PAK1: variants seen among roughly 807,000 people sequenced by gnomAD.
The protein encoded by PAK1 is p21 (RAC1) activated kinase 1, also known as serine/threonine-protein kinase PAK 1.
A neutral mutation model predicts 67.4 loss-of-function variants in PAK1; 29 were observed. The observed-to-expected ratio is 0.43, with a 90% CI of 0.32 to 0.59. The LOEUF is 0.59. PAK1 is among the 20% of genes least tolerant of loss of function. The pLI is 0.07. For synonymous variants in PAK1, 223 were observed against 237.4 expected, an observed-to-expected ratio of 0.94 and a Z score of 0.56; for missense variants, 337 against 670.7, an observed-to-expected ratio of 0.50 and a Z score of 5.50.
chr11:77,335,720 A>G (rs945888082), intron 13 of PAK1, among the ~76,000 whole-genome samples: 6 of 152,190 alleles, frequency 3.9e-5, no homozygotes, highest in African/African-American at 1.4e-4. Context: ...AGAATAAAAT[A>G]ACTTATAAGA....
At chr11:77,453,572 C>T (rs1202715149) in intron 1 of PAK1, among the ~76,000 whole-genome samples, 1 of 149,308 alleles carries the variant, frequency 6.7e-6, no homozygotes, top group Non-Finnish European at 1.5e-5. Context: ...TTAATTACCT[C>T]ACAGGAGAAA....
At chr11:77,353,373 G>A in intron 8 of PAK1, 163 bp downstream of exon 8, 1 of 573,098 alleles carries the variant, frequency 1.7e-6, no homozygotes, top group Non-Finnish European at 3.1e-6. Context: ...GCATAATTCT[G>A]CCAAATCTCA....
the PAK1 span, among the ~76,000 whole-genome samples, chr11:77,517,239 GAA>G: frequency 6.6e-6 from 1 of 152,088 alleles, no homozygotes; most frequent in Non-Finnish European, 1.5e-5. Context: ...GCACTCAGTG[GAA>G]AAAGAGACTC....
At chr11:77,397,605 A>G (rs1285895084) in intron 1 of PAK1, among the ~76,000 whole-genome samples, 1 of 152,254 alleles carries the variant, frequency 6.6e-6, no homozygotes, top group Non-Finnish European at 1.5e-5. Context: ...ACACTTTTCA[A>G]GTAGCCACTG....
intron 5 of PAK1, among the ~76,000 whole-genome samples, chr11:77,364,030 A>G (rs570221555): frequency 6.6e-6 from 1 of 152,358 alleles, no homozygotes; most frequent in East Asian, 1.9e-4. Flanking sequence ...TGGCACTGTC[A>G]TTGGAAGTGA....
the PAK1 span, among the ~76,000 whole-genome samples, chr11:77,513,971 T>A: frequency 6.6e-6 from 1 of 152,190 alleles, no homozygotes. Flanking sequence ...TCCATTTATA[T>A]GAAATGAGAA....
chr11:77,349,340 G>C, intron 8 of PAK1, 53 bp from the exon 9 acceptor site: 3 of 1,399,062 alleles, frequency 2.1e-6, no homozygotes, highest in Non-Finnish European at 3.0e-6. Flanking sequence ...GTTCAATAAA[G>C]TGATATTTGT....
At chr11:77,331,336 G>A (rs1414095213) in intron 14 of PAK1, among the ~76,000 whole-genome samples, 3 of 152,168 alleles carry the variant, frequency 2.0e-5, no homozygotes, top group Non-Finnish European at 4.4e-5. Context: ...ACATGCACAC[G>A]TATGTTTATA....
chr11:77,372,460 T>TTGCAAGGCAC (rs1433831290), intron 5 of PAK1, among the ~76,000 whole-genome samples: 1 of 152,172 alleles, frequency 6.6e-6, no homozygotes, highest in East Asian at 1.9e-4. Flanking sequence ...ATCCAACAGG[T>TTGCAAGGCAC]TGCAAGGCAC....
At chr11:77,480,881 C>T in the PAK1 span, among the ~76,000 whole-genome samples, 1 of 152,210 alleles carries the variant, frequency 6.6e-6, no homozygotes, top group African/African-American at 2.4e-5. Flanking sequence ...ATGCAAGCTT[C>T]ATGACAGTAG....
chr11:77,324,337 T>A (rs1681007054), intron 14 of PAK1, among the ~76,000 whole-genome samples: 1 of 151,968 alleles, frequency 6.6e-6, no homozygotes, highest in South Asian at 2.1e-4. Context: ...CACACCTGGC[T>A]AATTTTTGTA....
At chr11:77,326,617 T>A (rs961246259) in intron 14 of PAK1, among the ~76,000 whole-genome samples, 39 of 151,816 alleles carry the variant, frequency 2.6e-4, no homozygotes, top group African/African-American at 8.0e-4. Flanking sequence ...CCTGGGGAGG[T>A]TGAGGCTACA....
At chr11:77,442,299 C>T (rs2138450168) in intron 1 of PAK1, among the ~76,000 whole-genome samples, 1 of 152,202 alleles carries the variant, frequency 6.6e-6, no homozygotes, top group South Asian at 2.1e-4. Flanking sequence ...GTCTATGTGA[C>T]TGAAAGAATA....
chr11:77,333,383 A>C (rs1160037001), intron 13 of PAK1, among the ~76,000 whole-genome samples: 1 of 152,048 alleles, frequency 6.6e-6, no homozygotes, highest in East Asian at 1.9e-4. Context: ...TTTTCAGTAG[A>C]GACGGGGTTT....
chr11:77,456,365 G>T (rs1957078432), intron 1 of PAK1, among the ~76,000 whole-genome samples: 1 of 152,066 alleles, frequency 6.6e-6, no homozygotes, highest in South Asian at 2.1e-4. Flanking sequence ...AAAGATTCAA[G>T]TATCTAAACC....
chr11:77,483,903 A>G, the PAK1 span, among the ~76,000 whole-genome samples: 1 of 152,138 alleles, frequency 6.6e-6, no homozygotes, highest in Non-Finnish European at 1.5e-5. Context: ...GTTTGACAAT[A>G]CCTATAGAAT....
At chr11:77,427,177 C>T (rs1955595381) in intron 1 of PAK1, among the ~76,000 whole-genome samples, 2 of 152,172 alleles carry the variant, frequency 1.3e-5, no homozygotes, top group South Asian at 4.1e-4. Flanking sequence ...CCTTTGCTGA[C>T]ACTTCAGCCT....
intron 2 of PAK1, among the ~76,000 whole-genome samples, chr11:77,386,429 C>T (rs954346903): frequency 3.3e-5 from 5 of 152,176 alleles, no homozygotes; most frequent in African/African-American, 1.2e-4. Flanking sequence ...TGCTGAAAGA[C>T]TTCTTAGAAT....
intron 2 of PAK1, among the ~76,000 whole-genome samples, chr11:77,386,730 C>G (rs918243032): frequency 1.8e-4 from 27 of 152,132 alleles, no homozygotes; most frequent in African/African-American, 5.6e-4. Flanking sequence ...TCTAGAAATT[C>G]TGACTCCAAA....
Sources: gnomAD v4.1 joint callset for allele counts (sites outside exome capture counted in the v4.1 genomes callset) on GRCh38, gnomAD v4.1.1 for gene constraint, MANE v1.5 for transcripts, NCBI Gene and HGNC (gene_info 2026-07-23, HGNC 2026-07-21) for gene names.